The following CES5A variants were observed in gnomAD, a reference collection of about 807,000 sequenced individuals.
CES5A encodes the protein carboxylesterase 5.
In CES5A, 67 loss-of-function variants were observed where a neutral mutation model predicts 62.9. The observed-to-expected ratio is 1.07, with a 90% confidence interval of 0.88 to 1.31. CES5A has a LOEUF of 1.31. Among genes scored for constraint, CES5A ranks in the 50% most tolerant of loss-of-function variants. The pLI is 0.00. For synonymous variants in CES5A, 296 were observed against 280.8 expected, an observed-to-expected ratio of 1.05 and a Z score of -0.54; for missense variants, 748 against 708.5, an observed-to-expected ratio of 1.06 and a Z score of -0.63.
intron 2 of CES5A, among the ~76,000 whole-genome samples, chr16:55,945,806 T>C (rs946099424): frequency 6.6e-6 from 1 of 152,182 alleles, no homozygotes; most frequent in Non-Finnish European, 1.5e-5. Flanking sequence ...CCAGGAAAGA[T>C]AGGAAAGCAT....
rs140657919 is a variant in CES5A at position 55,868,453 on chromosome 16, G to A, written c.551+1158C>T. Among the ~76,000 whole-genome samples the A allele has an allele frequency of 1.7e-3, 258 of 152,198 alleles. 8 individuals are homozygous for A. In the South Asian group the frequency reaches 0.033, roughly 19 times the overall value. ...TGTTCTCTGAACCCCTTCTCCTCAA[G>A]CCCAACCACATCCTTCTGGTGCAAC... On this transcript the variant is annotated intron_variant, in intron 4 of 12. Transcript: ENST00000290567.
intron 2 of CES5A, among the ~76,000 whole-genome samples, chr16:55,938,606 G>A (rs994980440): frequency 1.5e-4 from 23 of 150,264 alleles, no homozygotes; most frequent in Non-Finnish European, 2.8e-4. Flanking sequence ...GTATGGTGGC[G>A]GGTGCCTATA....
At chr16:55,892,723 AC>A (rs201801071) in intron 1 of CES5A, among the ~76,000 whole-genome samples, 3,206 of 148,230 alleles carry the variant, frequency 0.022, 70 homozygotes, top group East Asian at 0.094. Flanking sequence ...AACAACAACA[AC>A]AAAAAAAAAT....
rs566439387 is a variant in CES5A at position 55,905,435 on chromosome 16, C to T, written c.-256+19888G>A. ...AGGCTGGAGTTCAGTGGCTCAATCTCGGCTCACTGCAACCTCCGCCCCCCA... is the reference window on the plus strand; with the variant it reads ...AGGCTGGAGTTCAGTGGCTCAATCTTGGCTCACTGCAACCTCCGCCCCCCA... On this transcript the variant is annotated intron_variant, in intron 1 of 12. Transcript: ENST00000518005. Among the ~76,000 whole-genome samples the T allele has an allele frequency of 5.3e-5, 8 of 151,430 alleles. No homozygotes were observed. The South Asian group carries it at 1.0e-3, about 20-fold the overall frequency.
Position 55,861,505 on chromosome 16 carries a change from A to G in CES5A, c.822T>C (p.Val274=). The G allele has an allele frequency of 6.2e-7, 1 of 1,611,412 alleles. No individual in the cohort carries two copies. Among genetic ancestry groups the G allele is most frequent in the Non-Finnish European group, 8.5e-7 (1 of 1,177,518 alleles). ...ACGCATTGTTACCACAGAAATGTGC[A>G]ACCACCTGCAGCTATTTTGTAGAGA... ...DYEKSEDLQV[V]AHFCGNNASD... is the part of the protein sequence containing the mutation. Residue 274 remains valine, a synonymous_variant, in exon 7 of 13, where the codon GTT becomes GTC. Transcript: ENST00000290567.
intron 11 of CES5A, among the ~76,000 whole-genome samples, chr16:55,847,648 TG>T (rs1567321058): frequency 6.6e-6 from 1 of 152,152 alleles, no homozygotes; most frequent in Non-Finnish European, 1.5e-5. Flanking sequence ...TTCTACATAT[TG>T]CTCTTTTTAT....
chr16:55,866,787 G>A (rs1337479185), intron 4 of CES5A, among the ~76,000 whole-genome samples: 2 of 151,800 alleles, frequency 1.3e-5, no homozygotes, highest in East Asian at 3.9e-4. Flanking sequence ...GCAGTGAGCT[G>A]AGATCATGCC....
intron 9 of CES5A, among the ~76,000 whole-genome samples, chr16:55,853,849 A>G (rs575012502): frequency 6.6e-6 from 1 of 152,280 alleles, no homozygotes; most frequent in South Asian, 2.1e-4. Context: ...GAAATGCTGG[A>G]AAGGTGTTGC....
At chr16:55,922,489 G>A (rs1173724818) in intron 1 of CES5A, among the ~76,000 whole-genome samples, 7 of 152,002 alleles carry the variant, frequency 4.6e-5, no homozygotes, top group African/African-American at 1.4e-4. Context: ...TCAGCAAAAC[G>A]ATATAACAAT....
chr16:55,885,061 A>G (rs1019846435), intron 1 of CES5A, among the ~76,000 whole-genome samples: 9 of 152,164 alleles, frequency 5.9e-5, no homozygotes, highest in African/African-American at 2.2e-4. Context: ...TTATCTGCTC[A>G]TTAACAGCTC....
chr16:55,904,707 T>C (rs1268720335), intron 1 of CES5A, among the ~76,000 whole-genome samples: 3 of 152,228 alleles, frequency 2.0e-5, no homozygotes, highest in Non-Finnish European at 2.9e-5. Context: ...GATTTACCTA[T>C]AGTAGCACAG....
In CES5A at chr16:55,871,628, G is replaced by T; in HGVS notation, c.414C>A (p.Leu138=). The change falls in exon 3 of 13, where the codon CTC becomes CTA. Residue 138 remains leucine (L), a synonymous_variant. Transcript: ENST00000290567. ...APAHADTGSK[L]PVLVWFPGGA... ...AGCACACAGCAGGCAGCCTTACGGG[G>T]AGCTTGGAGCCTGTATCGGCGTGGG... The T allele has an allele frequency of 1.2e-6, 2 of 1,614,044 alleles. No homozygotes were observed. The highest frequency in any genetic ancestry group is 1.7e-6 in the Non-Finnish European group (2 of 1,180,006).
chr16:55,901,056 G>T (rs1446953684), intron 1 of CES5A, among the ~76,000 whole-genome samples: 1 of 152,154 alleles, frequency 6.6e-6, no homozygotes, highest in Non-Finnish European at 1.5e-5. Flanking sequence ...ATCTTGAATT[G>T]TAGCCTCCCA....
At chr16:55,908,920 C>T (rs1460238281) in intron 1 of CES5A, among the ~76,000 whole-genome samples, 1 of 152,158 alleles carries the variant, frequency 6.6e-6, no homozygotes, top group Non-Finnish European at 1.5e-5. Context: ...AGGGCTGAAC[C>T]CTTCTTCCTC....
chr16:55,893,534 C>T (rs1277231165), intron 1 of CES5A, among the ~76,000 whole-genome samples: 2 of 151,940 alleles, frequency 1.3e-5, no homozygotes, highest in African/African-American at 2.4e-5. Flanking sequence ...GAAAACTCTA[C>T]AAGAAACCAA....
chr16:55,950,023 A>G, intron 1 of CES5A: 1 of 372,054 alleles, frequency 2.7e-6, no homozygotes, highest in Non-Finnish European at 4.3e-6. Context: ...ATAAAAATCC[A>G]TAACAGTGTA....
At chr16:55,866,915 C>T (rs1415405660) in intron 4 of CES5A, among the ~76,000 whole-genome samples, 1 of 152,080 alleles carries the variant, frequency 6.6e-6, no homozygotes, top group African/African-American at 2.4e-5. Context: ...AGACACTGTT[C>T]TAAGGGCTTT....
chr16:55,860,594 T>C (rs1459729641), intron 7 of CES5A, among the ~76,000 whole-genome samples: 1 of 152,178 alleles, frequency 6.6e-6, no homozygotes, highest in Non-Finnish European at 1.5e-5. Flanking sequence ...TAGGAGACTG[T>C]AGGTGTCTCC....
At chr16:55,913,638 A>T (rs2034117535) in intron 1 of CES5A, among the ~76,000 whole-genome samples, 1 of 152,208 alleles carries the variant, frequency 6.6e-6, no homozygotes, top group Non-Finnish European at 1.5e-5. Context: ...TAGAAGCAAG[A>T]TGGAGTCAGT....
Sources: gnomAD v4.1 joint callset for allele counts (sites outside exome capture counted in the v4.1 genomes callset) on GRCh38, gnomAD v4.1.1 for gene constraint, MANE v1.5 for transcripts, NCBI Gene and HGNC (gene_info 2026-07-23, HGNC 2026-07-21) for gene names.